MORN1: variants seen among roughly 807,000 people sequenced by gnomAD.
MORN1 encodes MORN repeat containing 1, also known as MORN repeat-containing protein 1.
Under a neutral mutation model 61.9 loss-of-function variants are expected in MORN1, and 67 were observed. The observed-to-expected ratio is 1.08, with a 90% CI of 0.89 to 1.33. The LOEUF (loss-of-function observed/expected upper bound fraction) is 1.33. Ranked by LOEUF, MORN1 falls within the 40% of genes most tolerant of loss-of-function variation. The pLI, the probability that MORN1 is intolerant of heterozygous loss-of-function variation, is 0.00. For missense variants in MORN1, 752 were observed against 691.2 expected, an observed-to-expected ratio of 1.09 and a Z score of -0.99; for synonymous variants, 301 against 292.0, an observed-to-expected ratio of 1.03 and a Z score of -0.31.
intron 12 of MORN1, among the ~76,000 whole-genome samples, chr1:2,325,993 G>T (rs1382798809): frequency 6.6e-6 from 1 of 152,124 alleles, no homozygotes; most frequent in Non-Finnish European, 1.5e-5. Flanking sequence ...CCCATCAAAT[G>T]GGCCTGGGGA....
chr1:2,389,853 C>A, intron 2 of MORN1, 72 bp downstream of exon 2: 5 of 1,424,806 alleles, frequency 3.5e-6, no homozygotes, highest in Non-Finnish European at 5.0e-6. Flanking sequence ...GCCCACCCAA[C>A]CTCCCGGGGA....
Position 2,357,725 on chromosome 1 carries a change from C to A in MORN1, c.870-127G>T. 2 of 1,147,666 alleles carry A rather than the reference C, an allele frequency of 1.7e-6. No homozygotes were observed. The highest frequency in any genetic ancestry group is 2.2e-5 in the South Asian group (1 of 46,102). The allele number at this position is 1,147,666 out of a possible 1,614,324, so 71.1% of individuals were successfully genotyped here. A position where few individuals can be genotyped will look rare whatever the true frequency, so the allele number is the denominator to read the frequency against. ...CTGAGTCCAGGGAGCGCTACTCAGC[C>A]TCTCTGGGAGGTCTCCTGCTGGGAT... On this transcript the variant is annotated intron_variant, in intron 9 of 13. Coordinates refer to ENST00000378531, the MANE Select transcript of MORN1 (RefSeq NM_024848.3). This position sits in a 1 kb window ranked among gnomAD's most constrained non-coding sequence, Gnocchi z 6.3.
chr1:2,344,918 A>G (rs1641478435), intron 10 of MORN1, among the ~76,000 whole-genome samples: 1 of 152,350 alleles, frequency 6.6e-6, no homozygotes, highest in Non-Finnish European at 1.5e-5. Context: ...CATCAAAGAC[A>G]GCGTCAGCCC....
chr1:2,331,622 A>G (rs1029144174), intron 12 of MORN1, among the ~76,000 whole-genome samples: 1 of 152,160 alleles, frequency 6.6e-6, no homozygotes, highest in Non-Finnish European at 1.5e-5. Context: ...CTCTGTGCCC[A>G]TGAAACCCGG....
At chr1:2,346,162 C>CA (rs1340865883) in intron 10 of MORN1, among the ~76,000 whole-genome samples, 3 of 151,982 alleles carry the variant, frequency 2.0e-5, no homozygotes, top group Admixed American at 1.3e-4. Context: ...GAACCTTCCT[C>CA]AGACAAAGCC....
chr1:2,391,393 A>C, intron 1 of MORN1, 65 bp downstream of exon 1: 1 of 1,247,922 alleles, frequency 8.0e-7, no homozygotes, highest in South Asian at 3.8e-5. Context: ...GAGGGCGTAG[A>C]GCGATCGCAC....
chr1:2,384,161 G>A (rs1029088793), intron 6 of MORN1, among the ~76,000 whole-genome samples: 1 of 152,030 alleles, frequency 6.6e-6, no homozygotes, highest in Admixed American at 6.6e-5. Context: ...TGGAGTGATC[G>A]GTGTTGCTTC....
intron 8 of MORN1, among the ~76,000 whole-genome samples, chr1:2,360,096 G>A (rs927007766): frequency 6.6e-5 from 10 of 152,150 alleles, no homozygotes; most frequent in Admixed American, 2.0e-4. Flanking sequence ...CAATCATCAC[G>A]GATGATGTAT....
intron 8 of MORN1, among the ~76,000 whole-genome samples, chr1:2,359,507 C>T (rs974353349): frequency 3.9e-5 from 6 of 152,162 alleles, no homozygotes; most frequent in South Asian, 2.1e-4. Context: ...GAAGACCCCA[C>T]GTGGGAGTGC....
intron 4 of MORN1, 71 bp from the exon 5 acceptor site, chr1:2,385,968 G>C: frequency 2.2e-6 from 3 of 1,358,824 alleles, no homozygotes; most frequent in Non-Finnish European, 3.2e-6. Flanking sequence ...TCTGCCCTCC[G>C]CTCCTTGGAG....
intron 10 of MORN1, chr1:2,352,333 A>G: frequency 6.2e-6 from 1 of 161,160 alleles, no homozygotes; most frequent in Non-Finnish European, 1.3e-5. Flanking sequence ...GTGGCAGAAT[A>G]GGCAACAGGA....
intron 3 of MORN1, 92 bp from the exon 4 acceptor site, chr1:2,387,621 A>G (rs1268176518): frequency 1.1e-6 from 1 of 872,066 alleles, no homozygotes. Context: ...CATGACACGC[A>G]GGAACCATTC....
chr1:2,390,366 A>C (rs1055669418), intron 1 of MORN1: 1 of 949,906 alleles, frequency 1.1e-6, no homozygotes, highest in Non-Finnish European at 1.3e-6. Context: ...GCAGAGCGGC[A>C]GTGTCAGTGA....
At chr1:2,346,006 GACAAAGCCACCAGGAAC>G (rs1641508639) in intron 10 of MORN1, among the ~76,000 whole-genome samples, 2 of 151,552 alleles carry the variant, frequency 1.3e-5, no homozygotes, top group Admixed American at 1.3e-4. Flanking sequence ...ACCTTCCTCA[GACAAAGCCACCAGGAAC>G]CTTCCTCAGA....
chr1:2,359,219 C>T (rs11801759), intron 8 of MORN1, among the ~76,000 whole-genome samples: 15,700 of 152,140 alleles, frequency 0.1, 2,224 homozygotes, highest in African/African-American at 0.32. Flanking sequence ...GCAGGCTCTC[C>T]GTGCCCATCT....
intron 4 of MORN1, 49 bp from the exon 5 acceptor site, chr1:2,385,946 T>A (rs776228216): frequency 6.6e-7 from 1 of 1,512,900 alleles, no homozygotes; most frequent in South Asian, 1.1e-5. Context: ...TCCTCCTGCA[T>A]CTGAGAAGGG....
At chr1:2,327,769 G>A (rs908404644) in intron 12 of MORN1, among the ~76,000 whole-genome samples, 6 of 152,260 alleles carry the variant, frequency 3.9e-5, no homozygotes, top group African/African-American at 1.2e-4. Flanking sequence ...TGCTGCGCCC[G>A]GCTCCCTCCT....
chr1:2,382,335 T>C (rs1481059834), intron 6 of MORN1, among the ~76,000 whole-genome samples: 1 of 152,142 alleles, frequency 6.6e-6, no homozygotes, highest in African/African-American at 2.4e-5. Context: ...TGAGGGAGCC[T>C]GCCATCCTAG....
At chr1:2,358,820 G>A in intron 8 of MORN1, 105 bp from the exon 9 acceptor site, 2 of 1,368,290 alleles carry the variant, frequency 1.5e-6, no homozygotes, top group Non-Finnish European at 2.0e-6. Flanking sequence ...ACTCAGCGGG[G>A]CCACATTTGC....
Sources: allele counts gnomAD v4.1 joint callset (sites outside exome capture counted in the v4.1 genomes callset), GRCh38; gene constraint gnomAD v4.1.1; non-coding constraint Gnocchi (gnomAD v3.1); transcripts MANE v1.5; gene names NCBI Gene and HGNC (gene_info 2026-07-23, HGNC 2026-07-21).